The following HTR3B variants were observed in gnomAD, a reference collection of about 807,000 sequenced individuals.
HTR3B encodes 5-hydroxytryptamine receptor 3B.
A neutral mutation model predicts 42.8 loss-of-function variants in HTR3B; 44 were observed. The ratio of observed to expected loss-of-function variants is 1.03; its 90% CI spans 0.81 to 1.32. The LOEUF (loss-of-function observed/expected upper bound fraction) is 1.32. HTR3B is among the 40% of genes most tolerant of loss of function. The probability of loss-of-function intolerance (pLI) is 0.00; values close to 1 mark genes in which losing one functional copy is unlikely to be tolerated. For missense variants in HTR3B, 527 were observed against 536.5 expected (o/e 0.98, Z 0.17); for synonymous variants, 203 against 209.0 (o/e 0.97, Z 0.25).
chr11:113,948,771 G>C lies in HTR3B; in HGVS notation c.*2634G>C, dbSNP rs937030426. On this transcript the variant is annotated 3_prime_UTR_variant, in exon 9 of 9. Coordinates refer to ENST00000260191, the MANE Select transcript of HTR3B (RefSeq NM_006028.5). ...CCACCTACTCGGGGGGCTGAGGCAG[G>C]AGAATCGCTTGAACCCAGGAGGTGG... 6.6e-6 allele frequency among the ~76,000 whole-genome samples: 1 copy of C among 151,974 alleles called. No homozygotes were observed. The highest frequency in any genetic ancestry group is 1.5e-5 in the Non-Finnish European group (1 of 68,038).
intron 1 of HTR3B, chr11:113,908,910 A>G: frequency 3.8e-6 from 1 of 260,160 alleles, no homozygotes; most frequent in Non-Finnish European, 7.1e-6. Flanking sequence ...CAAAAGAAAA[A>G]CCAACGCGGG....
At position 113,926,463 on chromosome 11, in the gene HTR3B, CTTTCT is replaced by C. The variant is rs1483311173; in HGVS notation, c.214-4916_214-4912del. ...ATCAGACTGCTTTTCCTTTCCTTTC[CTTTCT>C]TTTCCTTTCCTTTCCTTTCCTTTCC... On this transcript the variant is annotated intron_variant, in intron 2 of 8. Transcript: ENST00000260191. 5.1e-3 allele frequency among the ~76,000 whole-genome samples: 696 copies of C among 135,274 alleles called. 4 individuals are homozygous for C. The highest frequency in any genetic ancestry group is 0.018 in the African/African-American group (631 of 35,726). The allele number at this position is 135,274 out of a possible 152,430, so 88.7% of individuals were successfully genotyped here. A position where few individuals can be genotyped will look rare whatever the true frequency, so the allele number is the denominator to read the frequency against.
intron 6 of HTR3B, among the ~76,000 whole-genome samples, chr11:113,936,204 T>C (rs1950091029): frequency 6.6e-6 from 1 of 152,134 alleles, no homozygotes; most frequent in Admixed American, 6.5e-5. Flanking sequence ...TTTTCTTTTT[T>C]TTCTTTAAAG....
At chr11:113,902,662 T>G (rs929289643), upstream of HTR3B, among the ~76,000 whole-genome samples, 3 of 152,216 alleles carry the variant, frequency 2.0e-5, no homozygotes, top group Non-Finnish European at 4.4e-5. Context: ...GCATAATCTC[T>G]ATACAATTAA....
At chr11:113,916,338 T>C (rs1565558093) in intron 2 of HTR3B, among the ~76,000 whole-genome samples, 1 of 152,232 alleles carries the variant, frequency 6.6e-6, no homozygotes, top group Non-Finnish European at 1.5e-5. Flanking sequence ...ATTATTTTAT[T>C]ATCAGGTTAC....
chr11:113,923,049 C>T (rs1949932223), intron 2 of HTR3B, among the ~76,000 whole-genome samples: 1 of 152,096 alleles, frequency 6.6e-6, no homozygotes, highest in Non-Finnish European at 1.5e-5. Flanking sequence ...ATATAAGGGT[C>T]AATTCTAGGA....
At chr11:113,904,080 T>A (rs976100034), upstream of HTR3B, among the ~76,000 whole-genome samples, 1 of 152,216 alleles carries the variant, frequency 6.6e-6, no homozygotes, top group Non-Finnish European at 1.5e-5. Flanking sequence ...ATTTGTTTTT[T>A]CTTTCTAGAG....
rs747847997 is a variant in HTR3B, at chr11:113,904,946, G to A, written c.13G>A (p.Val5Ile). Residue 5 changes from valine (V) to isoleucine (I), a missense_variant, in exon 1 of 9, where the codon GTA (valine) becomes ATA (isoleucine). Coordinates refer to ENST00000260191, the MANE Select transcript of HTR3B (RefSeq NM_006028.5). MLSS[V>I]MAPLWACILV... ...GATCTGCCCAGGAATGTTGTCAAGT[G>A]TAATGGCTCCCCTGTGGGCCTGCAT... The A allele has an allele frequency of 1.2e-6, 2 of 1,613,668 alleles. No homozygotes were observed. The highest frequency in any genetic ancestry group is 2.2e-5 in the South Asian group (2 of 91,084).
At chr11:113,942,563 C>A (rs1373870234) in intron 6 of HTR3B, among the ~76,000 whole-genome samples, 2 of 152,186 alleles carry the variant, frequency 1.3e-5, no homozygotes, top group African/African-American at 4.8e-5. Flanking sequence ...TGAGTTTAAA[C>A]AAGGAATTCA....
At chr11:113,916,815 T>C (rs1301174302) in intron 2 of HTR3B, among the ~76,000 whole-genome samples, 1 of 152,232 alleles carries the variant, frequency 6.6e-6, no homozygotes, top group East Asian at 1.9e-4. Context: ...GTATTTTAAA[T>C]TTGAATCTAG....
At chr11:113,931,665 A>T (rs143510163) in intron 3 of HTR3B, 93 bp from the exon 4 acceptor site, 1 of 811,064 alleles carries the variant, frequency 1.2e-6, no homozygotes, top group African/African-American at 1.7e-5. Context: ...GAGGCTGATA[A>T]ATTGGATTAT....
At chr11:113,908,461 A>G (rs973852742) in intron 1 of HTR3B, among the ~76,000 whole-genome samples, 5 of 152,226 alleles carry the variant, frequency 3.3e-5, no homozygotes, top group Admixed American at 1.3e-4. Flanking sequence ...CTTCGGTCCA[A>G]TGACTGAGTG....
intron 6 of HTR3B, among the ~76,000 whole-genome samples, chr11:113,941,340 C>T (rs571572652): frequency 3.5e-4 from 54 of 152,136 alleles, no homozygotes; most frequent in Non-Finnish European, 5.1e-4. Context: ...CAGTCCAGGC[C>T]GTAGTGGGGA....
intron 2 of HTR3B, among the ~76,000 whole-genome samples, chr11:113,910,434 TTC>T (rs1237078851): frequency 4.1e-5 from 6 of 147,208 alleles, no homozygotes; most frequent in Non-Finnish European, 8.9e-5. Context: ...TTATTTTGAT[TTC>T]TCTCTCTTTT....
chr11:113,908,775 A>G (rs1949753804), intron 1 of HTR3B, among the ~76,000 whole-genome samples: 2 of 152,228 alleles, frequency 1.3e-5, no homozygotes, highest in Non-Finnish European at 2.9e-5. Flanking sequence ...TGAGGAGAAA[A>G]GTACAAATTG....
chr11:113,908,952 T>G (rs2137484480), intron 1 of HTR3B: 1 of 357,018 alleles, frequency 2.8e-6, no homozygotes. Flanking sequence ...GTAGGTGGGT[T>G]TTTTCTAGAT....
At chr11:113,935,225 C>G (rs1473935623) in intron 6 of HTR3B, among the ~76,000 whole-genome samples, 1 of 152,034 alleles carries the variant, frequency 6.6e-6, no homozygotes, top group Admixed American at 6.5e-5. Flanking sequence ...GGGAGGCTTC[C>G]CTGGATCTCA....
chr11:113,945,842 A>AG (rs1330324551), intron 8 of HTR3B, 60 bp from the exon 9 acceptor site: 16 of 1,189,604 alleles, frequency 1.3e-5, no homozygotes, highest in Non-Finnish European at 1.7e-5. Context: ...CTTCAAGAGA[A>AG]AGTCCAGGTG....
intron 2 of HTR3B, among the ~76,000 whole-genome samples, chr11:113,912,442 A>C (rs1336342985): frequency 6.6e-6 from 1 of 152,066 alleles, no homozygotes; most frequent in Non-Finnish European, 1.5e-5. Flanking sequence ...ACAGGGTTTC[A>C]CTGTGTTAGC....
Sources: gnomAD v4.1 joint callset for allele counts (sites outside exome capture counted in the v4.1 genomes callset) on GRCh38, gnomAD v4.1.1 for gene constraint, MANE v1.5 for transcripts, NCBI Gene and HGNC (gene_info 2026-07-23, HGNC 2026-07-21) for gene names.